XIRP2: variants seen among roughly 807,000 people sequenced by gnomAD.
The protein encoded by XIRP2 is xin actin binding repeat containing 2, also known as xin actin-binding repeat-containing protein 2.
Under a neutral mutation model 277.0 loss-of-function variants are expected in XIRP2, and 236 were observed. That is an observed-to-expected ratio of 0.85 (90% CI 0.77 to 0.95). The LOEUF is 0.95. Among genes scored for constraint, XIRP2 ranks in the 40% least tolerant of loss-of-function variants. The pLI, the probability that XIRP2 is intolerant of heterozygous loss-of-function variation, is 0.00. For missense variants in XIRP2, 4,640 were observed against 4,157.5 expected, an observed-to-expected ratio of 1.12 and a Z score of -3.19; for synonymous variants, 1,490 against 1,416.5, an observed-to-expected ratio of 1.05 and a Z score of -1.17.
At chr2:167,071,554 T>A (rs80341578) in intron 2 of XIRP2, among the ~76,000 whole-genome samples, 1 of 152,156 alleles carries the variant, frequency 6.6e-6, no homozygotes, top group African/African-American at 2.4e-5. Context: ...ATGTGAATGC[T>A]TTTATTTTCT....
intron 2 of XIRP2, among the ~76,000 whole-genome samples, chr2:166,936,977 G>T (rs1685536839): frequency 6.6e-6 from 1 of 152,102 alleles, no homozygotes; most frequent in South Asian, 2.1e-4. Flanking sequence ...AATGAGGATG[G>T]CATTAAATCT....
chr2:166,979,749 G>A (rs760631204), intron 2 of XIRP2, among the ~76,000 whole-genome samples: 19 of 152,112 alleles, frequency 1.2e-4, no homozygotes, highest in South Asian at 2.1e-4. Context: ...TGGTTATGAC[G>A]CATTTGCCTT....
chr2:167,011,999 T>C (rs565003328), intron 2 of XIRP2, among the ~76,000 whole-genome samples: 1 of 152,196 alleles, frequency 6.6e-6, no homozygotes, highest in East Asian at 1.9e-4. Flanking sequence ...GTCTATCAAT[T>C]TTGTTGATCT....
At position 167,007,703 on chromosome 2, in the gene XIRP2, T is replaced by TCTCTCTCACACA. The variant is rs1389098863; in HGVS notation, c.408+103814_408+103815insTCTCTCACACAC. On this transcript the variant is annotated intron_variant, in intron 2 of 10. Coordinates refer to ENST00000409195, the MANE Select transcript of XIRP2 (RefSeq NM_152381.6). ...CACTCTCTCTCTCTCTCTCTCTCTC[T>TCTCTCTCACACA]CACACACACACACACACACACACAC... is the stretch of plus-strand genomic sequence containing the variant. 1.5e-4 allele frequency among the ~76,000 whole-genome samples: 19 copies of TCTCTCTCACACA among 130,158 alleles called. No homozygotes were observed. The East Asian group carries it at 3.0e-3, about 21-fold the overall frequency. 85.4% of individuals were successfully genotyped at this position (130,158 alleles called of 152,430 possible). A position where few individuals can be genotyped will look rare whatever the true frequency, so the allele number is the denominator to read the frequency against.
intron 2 of XIRP2, among the ~76,000 whole-genome samples, chr2:167,074,167 T>A (rs1689503639): frequency 6.6e-6 from 1 of 152,182 alleles, no homozygotes; most frequent in South Asian, 2.1e-4. Flanking sequence ...CACTGATATT[T>A]CTCAGTCTCA....
chr2:166,963,884 A>G (rs1686360664), intron 2 of XIRP2, among the ~76,000 whole-genome samples: 1 of 151,794 alleles, frequency 6.6e-6, no homozygotes, highest in Non-Finnish European at 1.5e-5. Context: ...GATTCTGGCT[A>G]CCTTGGGAAA....
chr2:166,987,275 G>T (rs140046573), intron 2 of XIRP2, among the ~76,000 whole-genome samples: 6 of 152,052 alleles, frequency 3.9e-5, no homozygotes, highest in Non-Finnish European at 8.8e-5. Flanking sequence ...CCTACATAAG[G>T]GCTGGGACTA....
At chr2:166,903,929 A>C (rs1684452242) in intron 2 of XIRP2, 39 bp downstream of exon 2, 1 of 1,573,510 alleles carries the variant, frequency 6.4e-7, no homozygotes, top group South Asian at 1.1e-5. Context: ...TTTACATATG[A>C]CTTCCTTGCC....
intron 2 of XIRP2, among the ~76,000 whole-genome samples, chr2:167,122,938 G>C (rs919101918): frequency 6.6e-6 from 1 of 152,046 alleles, no homozygotes; most frequent in Non-Finnish European, 1.5e-5. Flanking sequence ...GCCTTAATTT[G>C]TGCTTGCTTG....
intron 2 of XIRP2, among the ~76,000 whole-genome samples, chr2:166,933,565 G>A (rs141640937): frequency 6.6e-6 from 1 of 151,622 alleles, no homozygotes; most frequent in Non-Finnish European, 1.5e-5. Flanking sequence ...GGGCGACAGA[G>A]TGAGACTCCT....
At chr2:166,899,240 A>G (rs1489405701) in intron 1 of XIRP2, among the ~76,000 whole-genome samples, 2 of 152,072 alleles carry the variant, frequency 1.3e-5, no homozygotes, top group African/African-American at 4.8e-5. Flanking sequence ...GTCTATTGGT[A>G]TTAGCATTTT....
intron 2 of XIRP2, among the ~76,000 whole-genome samples, chr2:167,038,893 A>G (rs777467370): frequency 6.6e-6 from 1 of 152,082 alleles, no homozygotes; most frequent in African/African-American, 2.4e-5. Flanking sequence ...TTAATAAACT[A>G]TTTTAGTCAA....
Position 167,243,147 on chromosome 2 carries a change from A to G in XIRP2, c.1755A>G (p.Pro585=). Reference sequence around the variant, plus strand: ...TTAGATGGATCTTTGAGAATCAACCATTGGATTCCATCAACAATGGCTCTC... The same window carrying G: ...TTAGATGGATCTTTGAGAATCAACCGTTGGATTCCATCAACAATGGCTCTC... The part of the protein sequence containing the change: ...QSIRWIFENQ[P]LDSINNGSPD... Residue 585 remains proline (P), a synonymous_variant, in exon 9 of 11, where the codon CCA becomes CCG. Transcript: ENST00000409195. 6.2e-7 allele frequency: 1 copy of G among 1,614,142 alleles called. No individual in the cohort carries two copies. The highest frequency in any genetic ancestry group is 8.5e-7 in the Non-Finnish European group (1 of 1,179,992).
chr2:166,939,691 A>C (rs574637953), intron 2 of XIRP2, among the ~76,000 whole-genome samples: 104 of 150,390 alleles, frequency 6.9e-4, no homozygotes, highest in Middle Eastern at 3.4e-3. Flanking sequence ...AAAAAAAAAA[A>C]AAAAAAACAA....
At chr2:166,977,232 C>T (rs1219407997) in intron 2 of XIRP2, among the ~76,000 whole-genome samples, 2 of 152,020 alleles carry the variant, frequency 1.3e-5, no homozygotes, top group African/African-American at 2.4e-5. Context: ...TTGAACTTTG[C>T]TGAGCTTGAA....
At position 166,894,162 on chromosome 2, in the gene XIRP2, C is replaced by T. The variant is rs762340989; in HGVS notation, c.-19+5605C>T. ...AACTCAAAGTTACAATAATAGAGGCCGGAGATAATTCTTACAATGACAGAG... is the reference window on the plus strand; with the variant it reads ...AACTCAAAGTTACAATAATAGAGGCTGGAGATAATTCTTACAATGACAGAG... On this transcript the variant is annotated intron_variant, in intron 1 of 10. Coordinates refer to ENST00000409195, the MANE Select transcript of XIRP2 (RefSeq NM_152381.6). Among the ~76,000 whole-genome samples the T allele has an allele frequency of 3.9e-5, 6 of 152,000 alleles. No individual in the cohort carries two copies. The South Asian group carries it at 6.2e-4, about 16-fold the overall frequency.
chr2:167,150,372 C>T (rs1416443721), intron 3 of XIRP2, among the ~76,000 whole-genome samples: 2 of 151,934 alleles, frequency 1.3e-5, no homozygotes, highest in Non-Finnish European at 2.9e-5. Context: ...TTTAAAAGGT[C>T]AACCAACAGT....
Position 166,920,643 on chromosome 2 carries a change from T to C in XIRP2, c.408+16753T>C, listed in dbSNP as rs1279195311. Reference sequence around the variant, plus strand: ...TAAAATACTAAAGTTGTTTTACTTTTGATAAAATATGGCAAGAAATATAAA... The same window carrying C: ...TAAAATACTAAAGTTGTTTTACTTTCGATAAAATATGGCAAGAAATATAAA... On this transcript the variant is annotated intron_variant, in intron 2 of 10. Coordinates refer to ENST00000409195, the MANE Select transcript of XIRP2 (RefSeq NM_152381.6). Among the ~76,000 whole-genome samples the C allele has an allele frequency of 4.6e-5, 7 of 152,186 alleles. No individual in the cohort carries two copies. In the East Asian group the frequency reaches 1.3e-3, roughly 29 times the overall value.
intron 2 of XIRP2, among the ~76,000 whole-genome samples, chr2:167,036,761 C>T (rs970273501): frequency 1.8e-4 from 28 of 152,076 alleles, no homozygotes; most frequent in African/African-American, 6.8e-4. Flanking sequence ...CCACCCAAAT[C>T]TCAACTTGAA....
Sources: allele counts gnomAD v4.1 joint callset (sites outside exome capture counted in the v4.1 genomes callset), GRCh38; gene constraint gnomAD v4.1.1; transcripts MANE v1.5; gene names NCBI Gene and HGNC (gene_info 2026-07-23, HGNC 2026-07-21).